The following ST3GAL3 variants were observed in gnomAD, a reference collection of about 807,000 sequenced individuals.
ST3GAL3 encodes the protein ST3 beta-galactoside alpha-2,3-sialyltransferase 3.
In ST3GAL3, 21 loss-of-function variants were observed where a neutral mutation model predicts 50.1. The ratio of observed to expected loss-of-function variants is 0.42; its 90% CI spans 0.30 to 0.60. ST3GAL3 has a LOEUF of 0.60. Among genes scored for constraint, ST3GAL3 ranks in the 20% least tolerant of loss-of-function variants. The pLI is 0.19. For synonymous variants in ST3GAL3, 183 were observed against 190.0 expected, an observed-to-expected ratio of 0.96 and a Z score of 0.30; for missense variants, 353 against 489.4, an observed-to-expected ratio of 0.72 and a Z score of 2.63.
At chr1:43,892,701 T>A (rs2076845624) in intron 5 of ST3GAL3, among the ~76,000 whole-genome samples, 1 of 152,210 alleles carries the variant, frequency 6.6e-6, no homozygotes, top group Non-Finnish European at 1.5e-5. Context: ...ATCTTAGGCA[T>A]ATTTTATTAG....
Position 43,920,835 on chromosome 1 carries a change from C to T in ST3GAL3, c.945C>T (p.Asp315=), listed in dbSNP as rs748922857. The part of the protein sequence containing the change: ...VAVTMALHGC[D]EVAVAGFGYD... ...TGACCATGGCACTACACGGCTGTGA[C>T]GAGGTGGCAGTCGCAGGATTTGGCT... Residue 315 remains aspartate (D), a synonymous_variant, in exon 11 of 12, where the codon GAC becomes GAT. Transcript: ENST00000347631. 44 of 1,614,008 alleles carry T rather than the reference C, an allele frequency of 2.7e-5. No homozygotes were observed. In the Middle Eastern group the frequency reaches 6.6e-4, roughly 24 times the overall value.
At chr1:43,846,304 G>T (rs1039596998) in intron 5 of ST3GAL3, among the ~76,000 whole-genome samples, 1 of 152,060 alleles carries the variant, frequency 6.6e-6, no homozygotes, top group South Asian at 2.1e-4. Flanking sequence ...TAGGATTGTT[G>T]TATCCCATTT....
chr1:43,851,498 C>T (rs1248002460), intron 5 of ST3GAL3: 1 of 1,599,454 alleles, frequency 6.3e-7, no homozygotes, highest in Non-Finnish European at 8.6e-7. Context: ...CTTAGTATCT[C>T]TGGCCCGGGT....
At chr1:43,858,014 T>G in intron 5 of ST3GAL3, 1 of 613,856 alleles carries the variant, frequency 1.6e-6, no homozygotes, top group Non-Finnish European at 2.5e-6. Flanking sequence ...CCGATCCCTC[T>G]TCACAGATGG....
At chr1:43,929,605 T>C (rs2084696237) in intron 11 of ST3GAL3, among the ~76,000 whole-genome samples, 1 of 152,170 alleles carries the variant, frequency 6.6e-6, no homozygotes, top group Non-Finnish European at 1.5e-5. Context: ...CTGGCCTATT[T>C]TTAATTTTCT....
intron 4 of ST3GAL3, among the ~76,000 whole-genome samples, chr1:43,834,727 G>C (rs1220529967): frequency 6.6e-6 from 1 of 152,184 alleles, no homozygotes; most frequent in African/African-American, 2.4e-5. Flanking sequence ...ACCCGAGCCA[G>C]GCGCTTATGG....
intron 5 of ST3GAL3, chr1:43,842,345 A>G (rs934948957): frequency 1.3e-5 from 2 of 151,968 alleles, no homozygotes; most frequent in Non-Finnish European, 2.9e-5. Context: ...GTATTAGGCC[A>G]TTCTTGCATT....
chr1:43,921,159 C>A (rs1211280804), intron 11 of ST3GAL3, among the ~76,000 whole-genome samples: 1 of 152,134 alleles, frequency 6.6e-6, no homozygotes, highest in Admixed American at 6.6e-5. Flanking sequence ...CCTCCCTCCC[C>A]CTCGCTGCAT....
intron 2 of ST3GAL3, among the ~76,000 whole-genome samples, chr1:43,746,602 A>G (rs1162341899): frequency 6.6e-6 from 1 of 150,710 alleles, no homozygotes; most frequent in East Asian, 2.0e-4. Context: ...AGCTGAGACT[A>G]CAGGAGCCCG....
chr1:43,797,671 G>A (rs1204848500), intron 3 of ST3GAL3, among the ~76,000 whole-genome samples: 2 of 152,086 alleles, frequency 1.3e-5, no homozygotes, highest in Non-Finnish European at 1.5e-5. Flanking sequence ...AAAACCTACA[G>A]CAAACATCAT....
At chr1:43,911,617 A>C (rs1429750229) in intron 9 of ST3GAL3, among the ~76,000 whole-genome samples, 1 of 134,558 alleles carries the variant, frequency 7.4e-6, no homozygotes, top group Non-Finnish European at 1.6e-5. Flanking sequence ...ATATCTACAG[A>C]TATATCTATA....
intron 2 of ST3GAL3, chr1:43,738,362 T>TA (rs952673469): frequency 6.6e-6 from 1 of 152,226 alleles, no homozygotes; most frequent in African/African-American, 2.4e-5. Flanking sequence ...CTAAGCCTTT[T>TA]AGATGTTTGA....
chr1:43,845,422 A>C lies in ST3GAL3; in HGVS notation c.302+7111A>C, dbSNP rs993540813. 1.2e-4 allele frequency among the ~76,000 whole-genome samples: 19 copies of C among 152,218 alleles called. No homozygotes were observed. The East Asian group carries it at 1.7e-3, about 14-fold the overall frequency. On this transcript the variant is annotated intron_variant, in intron 5 of 11. Transcript: ENST00000347631. ...CTTCTAAGTTGTTGAATTTATTAGC[A>C]TAAAATTGTGTATAATATTCCCTTA... is the stretch of plus-strand genomic sequence containing the variant.
intron 3 of ST3GAL3, among the ~76,000 whole-genome samples, chr1:43,802,370 G>T (rs984073528): frequency 6.6e-6 from 1 of 152,158 alleles, no homozygotes; most frequent in African/African-American, 2.4e-5. Context: ...AAAATTGTAA[G>T]GTTGAAATTT....
At chr1:43,898,453 T>A in intron 7 of ST3GAL3, 155 bp downstream of exon 7, 2 of 766,578 alleles carry the variant, frequency 2.6e-6, no homozygotes, top group Non-Finnish European at 4.5e-6. Context: ...AGCAGGTAAG[T>A]GGAACCACTC....
At chr1:43,804,909 C>T (rs1486314689) in intron 3 of ST3GAL3, among the ~76,000 whole-genome samples, 2 of 152,136 alleles carry the variant, frequency 1.3e-5, no homozygotes, top group African/African-American at 2.4e-5. Context: ...GACAAAGACT[C>T]CAGGTCTCAG....
At chr1:43,723,432 T>A (rs560218979) in intron 1 of ST3GAL3, among the ~76,000 whole-genome samples, 1 of 152,020 alleles carries the variant, frequency 6.6e-6, no homozygotes, top group Admixed American at 6.5e-5. Context: ...TGGCATGTGA[T>A]ATCTGCTCCC....
At chr1:43,907,184 G>A (rs774486118) in intron 9 of ST3GAL3, among the ~76,000 whole-genome samples, 4 of 152,180 alleles carry the variant, frequency 2.6e-5, no homozygotes, top group Non-Finnish European at 2.9e-5. Flanking sequence ...ATTTTGGACC[G>A]AAGGTGTTTC....
At chr1:43,723,812 A>G (rs907873870) in intron 1 of ST3GAL3, among the ~76,000 whole-genome samples, 3 of 151,968 alleles carry the variant, frequency 2.0e-5, no homozygotes, top group Non-Finnish European at 4.4e-5. Context: ...AGGTTTCACC[A>G]TATTGGCCAG....
Sources: gnomAD v4.1 joint callset for allele counts (sites outside exome capture counted in the v4.1 genomes callset) on GRCh38, gnomAD v4.1.1 for gene constraint, MANE v1.5 for transcripts, NCBI Gene and HGNC (gene_info 2026-07-23, HGNC 2026-07-21) for gene names.